ASAH1: variants seen among roughly 807,000 people sequenced by gnomAD.
ASAH1 encodes N-acylsphingosine amidohydrolase 1.
In ASAH1, 70 loss-of-function variants were observed where a neutral mutation model predicts 59.5. That is an observed-to-expected ratio of 1.18 (90% CI 0.97 to 1.43). ASAH1 has a LOEUF of 1.43. Among genes scored for constraint, ASAH1 ranks in the 40% most tolerant of loss-of-function variants. ASAH1 has a pLI of 0.00. For synonymous variants in ASAH1, 213 were observed against 166.5 expected, an observed-to-expected ratio of 1.28 and a Z score of -2.15; for missense variants, 660 against 482.5, an observed-to-expected ratio of 1.37 and a Z score of -3.45.
chr8:18,064,436 C>A (rs1799841773), intron 6 of ASAH1, 21 bp downstream of exon 6: 7 of 1,348,162 alleles, frequency 5.2e-6, no homozygotes, highest in Non-Finnish European at 6.4e-6. Flanking sequence ...TGCTGCCCAC[C>A]CTCCCTCAGC....
upstream of ASAH1, chr8:18,084,885 G>C (rs1006213868): frequency 5.8e-6 from 9 of 1,559,186 alleles, no homozygotes; most frequent in African/African-American, 6.8e-5. Context: ...GACGCGAGTA[G>C]CTCGGCAGGG....
Position 18,073,297 on chromosome 8 carries a change from TAAAA to T in ASAH1, c.126-1911_126-1908del, listed in dbSNP as rs759918183. ...AGACACTATATGAAAAATGCAAAAA[TAAAA>T]AAAACACTTAGCAGCATTGGTATTC... On this transcript the variant is annotated intron_variant, in intron 2 of 13. Coordinates refer to ENST00000637790, the MANE Select transcript of ASAH1 (RefSeq NM_177924.5). 1.9e-6 allele frequency: 3 copies of T among 1,559,944 alleles called. No homozygotes were observed. The Admixed American group carries it at 5.5e-5, about 29-fold the overall frequency.
chr8:18,064,835 G>T (rs796868212), intron 5 of ASAH1: 2 of 301,964 alleles, frequency 6.6e-6, no homozygotes, highest in South Asian at 1.1e-4. Flanking sequence ...TCTTTTGGGA[G>T]CGTAAATATG....
chr8:18,059,156 G>T, intron 12 of ASAH1, 185 bp downstream of exon 12: 1 of 903,246 alleles, frequency 1.1e-6, no homozygotes, highest in Non-Finnish European at 1.7e-6. Context: ...ACCAGAAAAG[G>T]AAAGTACAGC....
intron 1 of ASAH1, 86 bp from the exon 2 acceptor site, chr8:18,075,673 G>T: frequency 1.6e-6 from 2 of 1,254,990 alleles, no homozygotes; most frequent in South Asian, 1.2e-5. Flanking sequence ...AATCTGTGAA[G>T]ACAACATCAA....
rs955840623 is a variant in ASAH1, at chr8:18,075,134, T to A, written c.125+407A>T. On this transcript the variant is annotated intron_variant, in intron 2 of 13. Transcript: ENST00000637790. ...CCTCAGCCTCCAGAGTAGCTGGGAC[T>A]ACAGGCGCCCGCCACCACGCCTGGC... 2.6e-4 allele frequency among the ~76,000 whole-genome samples: 40 copies of A among 151,540 alleles called. 1 individual carries two copies. The highest frequency in any genetic ancestry group is 8.8e-5 in the Non-Finnish European group (6 of 67,948).
At chr8:18,084,490 A>G, upstream of ASAH1, 6 of 1,327,332 alleles carry the variant, frequency 4.5e-6, no homozygotes, top group Non-Finnish European at 6.1e-6. Flanking sequence ...CACGAAACGG[A>G]TCCAAAGAGT....
chr8:18,081,546 T>C (rs1002412105), intron 1 of ASAH1, among the ~76,000 whole-genome samples: 4 of 152,196 alleles, frequency 2.6e-5, no homozygotes, highest in African/African-American at 9.6e-5. Context: ...TCTCCAGACA[T>C]TTCTTGTGCC....
chr8:18,065,715 T>C (rs1001784678), intron 5 of ASAH1: 6 of 152,222 alleles, frequency 3.9e-5, no homozygotes, highest in African/African-American at 1.4e-4. Flanking sequence ...AAAACAAAGT[T>C]GGAAGAATTA....
intron 3 of ASAH1, 29 bp downstream of exon 3, chr8:18,071,271 A>T: frequency 8.7e-7 from 1 of 1,150,540 alleles, no homozygotes; most frequent in Non-Finnish European, 1.2e-6. Context: ...AAAAATAAAG[A>T]AATAAAAGAT....
upstream of ASAH1, chr8:18,084,813 G>A: frequency 6.2e-7 from 1 of 1,612,934 alleles, no homozygotes; most frequent in Non-Finnish European, 8.5e-7. Flanking sequence ...AAGCGGCTGT[G>A]TTTCCTCCTA....
rs781477468 is a variant in ASAH1 at position 18,058,890 on chromosome 8, T to C, written c.1043A>G (p.Asn348Ser). Residue 348 changes from asparagine (N) to serine (S), a missense_variant and splice_region_variant, in exon 13 of 14, where the codon AAT becomes AGT. Transcript: ENST00000637790. Reference sequence around the variant, plus strand: ...ATCATACATGGTTTCAAATGAGATATTCTAAAACACAAGAAAATAGTTTTG... The same window carrying C: ...ATCATACATGGTTTCAAATGAGATACTCTAAAACACAAGAAAATAGTTTTG... The part of the protein sequence containing the change: ...KMCLNRTSQE[N>S]ISFETMYDVL... 6 of 1,611,386 alleles carry C rather than the reference T, an allele frequency of 3.7e-6. No homozygotes were observed. Among genetic ancestry groups the C allele is most frequent in the East Asian group, 2.2e-5 (1 of 44,872 alleles).
At chr8:18,067,102 CACCTGTGCTGTATA>C in intron 5 of ASAH1, 104 bp downstream of exon 5, 7 of 928,252 alleles carry the variant, frequency 7.5e-6, no homozygotes, top group Non-Finnish European at 9.3e-6. Flanking sequence ...AAGACCTGTG[CACCTGTGCTGTATA>C]TCTAAGACAT....
At chr8:18,078,956 G>A (rs182149783) in intron 1 of ASAH1, among the ~76,000 whole-genome samples, 100 of 152,096 alleles carry the variant, frequency 6.6e-4, no homozygotes, top group Middle Eastern at 6.8e-3. Flanking sequence ...GAAGATAAGT[G>A]GTAAAAATCT....
intron 1 of ASAH1, among the ~76,000 whole-genome samples, chr8:18,077,586 C>G (rs867358746): frequency 6.6e-6 from 1 of 152,148 alleles, no homozygotes; most frequent in East Asian, 1.9e-4. Flanking sequence ...AAAAATCACT[C>G]AAAAATCACA....
Position 18,071,344 on chromosome 8 carries a change from G to T in ASAH1, c.172C>A (p.Pro58Thr), listed in dbSNP as rs1232602989. The change falls in exon 3 of 14, where the codon CCC becomes ACC. Residue 58 changes from proline to threonine, a missense_variant. By Grantham distance (38) the Pro-to-Thr change is conservative. Transcript: ENST00000637790. ...PWYTINLDLP[P>T]YKRWHELMLD... ...ATCAATTCATGCCATCTTTTGTAGG[G>T]TGGTAAGTCAAGATTTATGGTGTAC... The T allele has an allele frequency of 6.2e-7, 1 of 1,605,318 alleles. No individual in the cohort carries two copies. The highest frequency in any genetic ancestry group is 1.3e-5 in the African/African-American group (1 of 74,916).
At chr8:18,071,666 A>T (rs1449293348) in intron 2 of ASAH1, among the ~76,000 whole-genome samples, 2 of 152,020 alleles carry the variant, frequency 1.3e-5, no homozygotes, top group Non-Finnish European at 2.9e-5. Context: ...ATGGCTTAAG[A>T]GCTCTAACCT....
At chr8:18,081,807 T>C (rs1021927210) in intron 1 of ASAH1, among the ~76,000 whole-genome samples, 18 of 152,336 alleles carry the variant, frequency 1.2e-4, no homozygotes, top group African/African-American at 3.6e-4. Context: ...ATGACTCCAG[T>C]TGAAAAACTG....
intron 5 of ASAH1, 161 bp downstream of exon 5, chr8:18,067,059 T>A: frequency 4.3e-6 from 1 of 230,360 alleles, no homozygotes; most frequent in South Asian, 6.4e-5. Context: ...CATGCATGCA[T>A]GCATTTCTGA....
Sources: gnomAD v4.1 joint callset for allele counts (sites outside exome capture counted in the v4.1 genomes callset) on GRCh38, gnomAD v4.1.1 for gene constraint, MANE v1.5 for transcripts, NCBI Gene and HGNC (gene_info 2026-07-23, HGNC 2026-07-21) for gene names.